The following CNBD1 variants were observed in gnomAD, a reference collection of about 807,000 sequenced individuals.
CNBD1 encodes cyclic nucleotide-binding domain-containing protein 1.
CNBD1 carries 71 observed loss-of-function variants against 54.4 expected under a neutral mutation model. That is an observed-to-expected ratio of 1.30 (90% confidence interval 1.08 to 1.59). The LOEUF (loss-of-function observed/expected upper bound fraction) is 1.59, where lower values mean the gene tolerates loss of function less well. Ranked by LOEUF, CNBD1 falls within the 40% of genes most tolerant of loss-of-function variation. CNBD1 has a pLI of 0.00. For missense variants in CNBD1, 659 were observed against 518.0 expected (o/e 1.27, Z -2.64); for synonymous variants, 182 against 170.7 (o/e 1.07, Z -0.51).
At chr8:87,388,910 G>C (rs1043895189) in intron 2 of CNBD1, among the ~76,000 whole-genome samples, 1 of 152,158 alleles carries the variant, frequency 6.6e-6, no homozygotes, top group African/African-American at 2.4e-5. Context: ...ACATGATCAA[G>C]TGGGCTTCAT....
intron 4 of CNBD1, among the ~76,000 whole-genome samples, chr8:87,016,922 T>C (rs961931074): frequency 3.9e-5 from 6 of 152,228 alleles, no homozygotes; most frequent in African/African-American, 1.2e-4. Flanking sequence ...TTGGACTAGC[T>C]TTATGATAAC....
At chr8:87,378,368 A>C (rs1214924067) in intron 10 of CNBD1, among the ~76,000 whole-genome samples, 1 of 149,410 alleles carries the variant, frequency 6.7e-6, no homozygotes, top group Non-Finnish European at 1.5e-5. Context: ...AGCTTTCTAC[A>C]TATGGCTAGC....
chr8:86,929,683 G>A lies in CNBD1; in HGVS notation c.273-9913G>A, dbSNP rs1172150591. ...ATCAGTCCCTCAAGGAGTAGTGCTT[G>A]GTATCTAAGCAGGCAGTTGTCTGAT... On this transcript the variant is annotated intron_variant, in intron 3 of 10. Coordinates refer to ENST00000518476, the MANE Select transcript of CNBD1 (RefSeq NM_173538.3). Among the ~76,000 whole-genome samples, 6 of 152,152 alleles carry A rather than the reference G, an allele frequency of 3.9e-5. No individual in the cohort carries two copies. In the East Asian group the frequency reaches 9.7e-4, roughly 25 times the overall value.
chr8:87,311,553 A>G (rs952702732), intron 8 of CNBD1, among the ~76,000 whole-genome samples: 2 of 152,102 alleles, frequency 1.3e-5, no homozygotes, highest in African/African-American at 4.8e-5. Context: ...ATTTTCAAAG[A>G]AAAAATGGAA....
At chr8:86,889,170 G>A (rs1440970866) in intron 2 of CNBD1, among the ~76,000 whole-genome samples, 1 of 152,152 alleles carries the variant, frequency 6.6e-6, no homozygotes, top group East Asian at 1.9e-4. Flanking sequence ...TTTAAGGTAT[G>A]TGTATATAGG....
At chr8:87,029,616 G>A (rs1468574411) in intron 4 of CNBD1, among the ~76,000 whole-genome samples, 2 of 152,052 alleles carry the variant, frequency 1.3e-5, no homozygotes, top group Non-Finnish European at 2.9e-5. Context: ...AGAAACCAAA[G>A]CAGATAAAGC....
chr8:86,994,727 C>T (rs1808830988), intron 4 of CNBD1, among the ~76,000 whole-genome samples: 1 of 151,774 alleles, frequency 6.6e-6, no homozygotes, highest in Admixed American at 6.6e-5. Flanking sequence ...TCTTCAGCCT[C>T]AATGTGTGTG....
At chr8:86,941,902 T>C (rs890200224) in intron 4 of CNBD1, among the ~76,000 whole-genome samples, 15 of 152,132 alleles carry the variant, frequency 9.9e-5, no homozygotes, top group Non-Finnish European at 1.8e-4. Flanking sequence ...TCCTCACTCA[T>C]GTGTGAGAAA....
chr8:87,414,272 A>G (rs1807800465), intron 2 of CNBD1, among the ~76,000 whole-genome samples: 1 of 151,868 alleles, frequency 6.6e-6, no homozygotes, highest in African/African-American at 2.4e-5. Context: ...TATCGCAAGG[A>G]CAAAAAACCA....
At chr8:87,084,665 CTTTCTTTTTTTCT>C (rs1282547219) in intron 4 of CNBD1, among the ~76,000 whole-genome samples, 4 of 151,102 alleles carry the variant, frequency 2.6e-5, no homozygotes, top group African/African-American at 9.7e-5. Flanking sequence ...ATTTAGTTTT[CTTTCTTTTTTTCT>C]TTTCTTTTTT....
intron 2 of CNBD1, among the ~76,000 whole-genome samples, chr8:87,390,256 A>T (rs910078689): frequency 2.0e-5 from 3 of 152,214 alleles, no homozygotes; most frequent in Non-Finnish European, 4.4e-5. Context: ...ATGGGATCTA[A>T]GTAAACTAAA....
At chr8:86,965,147 C>T (rs1000614796) in intron 4 of CNBD1, among the ~76,000 whole-genome samples, 6 of 152,118 alleles carry the variant, frequency 3.9e-5, no homozygotes, top group Non-Finnish European at 8.8e-5. Context: ...GCTCATTCTA[C>T]ACAGTAGTAT....
chr8:87,047,409 C>A (rs1039695197), intron 4 of CNBD1, among the ~76,000 whole-genome samples: 8 of 152,130 alleles, frequency 5.3e-5, no homozygotes, highest in Non-Finnish European at 1.0e-4. Context: ...TTAAACTGAG[C>A]AAATTGTTCA....
chr8:87,228,093 A>C (rs1020978284), intron 5 of CNBD1, among the ~76,000 whole-genome samples: 1 of 151,208 alleles, frequency 6.6e-6, no homozygotes, highest in African/African-American at 2.4e-5. Context: ...CAGCTCCATC[A>C]GCTCCTTTAA....
intron 10 of CNBD1, among the ~76,000 whole-genome samples, chr8:87,378,839 G>C (rs1474972158): frequency 6.7e-6 from 1 of 149,898 alleles, no homozygotes; most frequent in Non-Finnish European, 1.5e-5. Flanking sequence ...TTGAGCAGTG[G>C]TTTGTAGTTC....
chr8:87,406,688 C>A (rs1426541932), intron 2 of CNBD1, among the ~76,000 whole-genome samples: 1 of 152,034 alleles, frequency 6.6e-6, no homozygotes, highest in Non-Finnish European at 1.5e-5. Context: ...CCATGTTGGT[C>A]AGGCTGGTCT....
At chr8:86,956,084 G>C (rs1316018943) in intron 4 of CNBD1, among the ~76,000 whole-genome samples, 1 of 152,056 alleles carries the variant, frequency 6.6e-6, no homozygotes, top group African/African-American at 2.4e-5. Context: ...TTATTAAATA[G>C]GGAATCCTTT....
At chr8:87,058,823 T>G (rs1810480461) in intron 4 of CNBD1, among the ~76,000 whole-genome samples, 1 of 152,202 alleles carries the variant, frequency 6.6e-6, no homozygotes, top group Admixed American at 6.5e-5. Flanking sequence ...TGCAAACATT[T>G]TCCCTATTGT....
At chr8:87,136,572 TTATATTATATATAAATTA>T (rs1373798093) in intron 4 of CNBD1, among the ~76,000 whole-genome samples, 11 of 93,738 alleles carry the variant, frequency 1.2e-4, no homozygotes, top group African/African-American at 2.1e-4. Flanking sequence ...TATATTATAT[TTATATTATATATAAATTA>T]TATATTATAT....
Sources: allele counts gnomAD v4.1 joint callset (sites outside exome capture counted in the v4.1 genomes callset), GRCh38; gene constraint gnomAD v4.1.1; transcripts MANE v1.5; gene names NCBI Gene and HGNC (gene_info 2026-07-23, HGNC 2026-07-21).